Variants in LRP1B observed in about 807,000 individuals in gnomAD.
LRP1B encodes the protein LDL receptor related protein 1B.
In LRP1B, 217 loss-of-function variants were observed where a neutral mutation model predicts 556.6. The observed-to-expected ratio is 0.39, with a 90% confidence interval of 0.35 to 0.44. The LOEUF (loss-of-function observed/expected upper bound fraction) is 0.44. Among genes scored for constraint, LRP1B ranks in the 20% least tolerant of loss-of-function variants. The pLI is 1.00. For synonymous variants in LRP1B, 2,047 were observed against 1,865.8 expected (o/e 1.10, Z -2.50); for missense variants, 5,053 against 5,620.8 (o/e 0.90, Z 3.23).
At chr2:141,480,921 C>A (rs9287318) in intron 2 of LRP1B, among the ~76,000 whole-genome samples, 1 of 151,846 alleles carries the variant, frequency 6.6e-6, no homozygotes, top group East Asian at 1.9e-4. Context: ...AATGGTTCTC[C>A]GCAGATCTCT....
At chr2:141,648,018 C>A (rs143902961) in intron 2 of LRP1B, among the ~76,000 whole-genome samples, 4 of 151,970 alleles carry the variant, frequency 2.6e-5, no homozygotes, top group Middle Eastern at 3.4e-3. Flanking sequence ...GGAATTCTGG[C>A]AGAGTATCCT....
chr2:141,211,512 T>C (rs899886781), intron 6 of LRP1B, among the ~76,000 whole-genome samples: 1 of 151,564 alleles, frequency 6.6e-6, no homozygotes, highest in Non-Finnish European at 1.5e-5. Flanking sequence ...CCCAGCTACT[T>C]GGGAGGCTGA....
chr2:140,582,281 A>G (rs1316088117), intron 43 of LRP1B, among the ~76,000 whole-genome samples: 1 of 152,122 alleles, frequency 6.6e-6, no homozygotes, highest in African/African-American at 2.4e-5. Flanking sequence ...TTCTGATTTA[A>G]TTGTTCTCAG....
intron 7 of LRP1B, among the ~76,000 whole-genome samples, chr2:141,143,139 C>T (rs1701698050): frequency 6.6e-6 from 1 of 152,050 alleles, no homozygotes; most frequent in Non-Finnish European, 1.5e-5. Context: ...CCGCGTTAGC[C>T]AGGATGGTCT....
In LRP1B at chr2:141,212,249, A is replaced by ATTTTTTTTTTTTTTTT. The variant is rs59699046; in HGVS notation, c.850+16918_850+16933dup. 2.1e-4 allele frequency among the ~76,000 whole-genome samples: 13 copies of ATTTTTTTTTTTTTTTT among 62,266 alleles called. 3 individuals are homozygous for ATTTTTTTTTTTTTTTT. The highest frequency in any genetic ancestry group is 5.9e-4 in the African/African-American group (9 of 15,154). 40.8% of individuals were successfully genotyped at this position (62,266 alleles called of 152,430 possible). A position where few individuals can be genotyped will look rare whatever the true frequency, so the allele number is the denominator to read the frequency against. ...AAGATATATTGATCAAAAAGTCTAGATTTTTTTTTTTTTTTTTTTTTTTTT... is the reference window on the plus strand; with the variant it reads ...AAGATATATTGATCAAAAAGTCTAGATTTTTTTTTTTTTTTTTTTTTTTTTTTTTTTTTTTTTTTTT... On this transcript the variant is annotated intron_variant, in intron 6 of 90. Transcript: ENST00000389484.
intron 43 of LRP1B, among the ~76,000 whole-genome samples, chr2:140,544,957 G>A (rs752207526): frequency 1.3e-5 from 2 of 151,954 alleles, no homozygotes; most frequent in Non-Finnish European, 2.9e-5. Context: ...GGCAGCATCT[G>A]TTACTTATTG....
chr2:140,620,627 A>G (rs1208437406), intron 41 of LRP1B, among the ~76,000 whole-genome samples: 1 of 152,150 alleles, frequency 6.6e-6, no homozygotes, highest in Non-Finnish European at 1.5e-5. Flanking sequence ...ATGTGTTAGA[A>G]TCAATATGAT....
chr2:140,806,414 CACA>C (rs1690717551), intron 32 of LRP1B, among the ~76,000 whole-genome samples: 1 of 151,976 alleles, frequency 6.6e-6, no homozygotes, highest in South Asian at 2.1e-4. Context: ...CATAAAACAA[CACA>C]ACAACAAAAA....
At chr2:140,521,011 T>G (rs1407878743) in intron 49 of LRP1B, among the ~76,000 whole-genome samples, 1 of 151,744 alleles carries the variant, frequency 6.6e-6, no homozygotes, top group African/African-American at 2.4e-5. Flanking sequence ...TAAAAAAGAA[T>G]TTTAGAAAAT....
chr2:141,807,748 G>A (rs1696210830), intron 2 of LRP1B, among the ~76,000 whole-genome samples: 1 of 152,048 alleles, frequency 6.6e-6, no homozygotes, highest in Admixed American at 6.6e-5. Flanking sequence ...AATTCAAGGT[G>A]GTATGTACAT....
chr2:140,671,258 C>T (rs1256151147), intron 41 of LRP1B, among the ~76,000 whole-genome samples: 18 of 152,168 alleles, frequency 1.2e-4, no homozygotes, highest in East Asian at 1.9e-4. Flanking sequence ...CGGTGGCTCA[C>T]GCCTGTAATC....
intron 83 of LRP1B, among the ~76,000 whole-genome samples, chr2:140,303,064 C>T (rs535827743): frequency 1.2e-4 from 17 of 142,962 alleles, no homozygotes; most frequent in African/African-American, 2.6e-4. Flanking sequence ...GACATACACA[C>T]ACACATATAT....
intron 6 of LRP1B, among the ~76,000 whole-genome samples, chr2:141,214,003 G>C (rs569924106): frequency 1.4e-4 from 22 of 151,994 alleles, no homozygotes; most frequent in African/African-American, 5.1e-4. Flanking sequence ...TTGCTATACT[G>C]TATTAGTTTT....
chr2:141,500,386 C>T (rs568953937), intron 2 of LRP1B, among the ~76,000 whole-genome samples: 2 of 152,070 alleles, frequency 1.3e-5, no homozygotes, highest in African/African-American at 2.4e-5. Context: ...GAAAATAAAC[C>T]TTTCTCCTGT....
intron 3 of LRP1B, among the ~76,000 whole-genome samples, chr2:141,350,028 G>C (rs1326359643): frequency 6.6e-6 from 1 of 152,054 alleles, no homozygotes; most frequent in African/African-American, 2.4e-5. Flanking sequence ...CATGGTGGCA[G>C]ACAAGAGAAG....
At chr2:140,913,978 C>G (rs1027049072) in intron 21 of LRP1B, among the ~76,000 whole-genome samples, 1 of 151,970 alleles carries the variant, frequency 6.6e-6, no homozygotes, top group Non-Finnish European at 1.5e-5. Context: ...GGGACCTGTT[C>G]AAAAAGCAAT....
intron 2 of LRP1B, among the ~76,000 whole-genome samples, chr2:141,617,618 C>T (rs1316195806): frequency 6.6e-6 from 1 of 152,102 alleles, no homozygotes; most frequent in Non-Finnish European, 1.5e-5. Flanking sequence ...GCATTTTTCT[C>T]TTCAGATAAT....
intron 62 of LRP1B, among the ~76,000 whole-genome samples, chr2:140,451,706 T>C (rs1422001090): frequency 6.6e-6 from 1 of 152,066 alleles, no homozygotes; most frequent in Non-Finnish European, 1.5e-5. Flanking sequence ...TAAATACACA[T>C]GATCTTTTAG....
At chr2:140,702,812 C>T (rs931667097) in intron 37 of LRP1B, among the ~76,000 whole-genome samples, 3 of 152,090 alleles carry the variant, frequency 2.0e-5, no homozygotes, top group African/African-American at 7.2e-5. Flanking sequence ...TTTCCTGTCT[C>T]AAATGCTCTT....
Sources: allele counts gnomAD v4.1 joint callset (sites outside exome capture counted in the v4.1 genomes callset), GRCh38; gene constraint gnomAD v4.1.1; transcripts MANE v1.5; gene names NCBI Gene and HGNC (gene_info 2026-07-23, HGNC 2026-07-21).